SLC41A3: variants seen among roughly 807,000 people sequenced by gnomAD.
SLC41A3 encodes the protein SLC41A1-like 2.
SLC41A3 carries 44 observed loss-of-function variants against 45.4 expected under a neutral mutation model. The observed-to-expected ratio is 0.97, with a 90% confidence interval of 0.76 to 1.25. SLC41A3 has a LOEUF of 1.25. Ranked by LOEUF, SLC41A3 falls within the 50% of genes most tolerant of loss-of-function variation. SLC41A3 has a pLI of 0.00. For missense variants in SLC41A3, 550 were observed against 600.6 expected (o/e 0.92, Z 0.88); for synonymous variants, 256 against 252.4 (o/e 1.01, Z -0.13).
At chr3:126,045,341 A>G (rs1392307365) in intron 3 of SLC41A3, among the ~76,000 whole-genome samples, 1 of 104,786 alleles carries the variant, frequency 9.5e-6, no homozygotes, top group Non-Finnish European at 2.0e-5. Flanking sequence ...TGAAACTAAG[A>G]ATTGATTGGT....
intron 1 of SLC41A3, among the ~76,000 whole-genome samples, chr3:126,079,228 ACACACACACACC>A (rs1347625599): frequency 1.2e-4 from 17 of 138,276 alleles, no homozygotes; most frequent in Admixed American, 2.1e-4. Context: ...ACACACACAC[ACACACACACACC>A]CACACACGAT....
chr3:126,042,511 C>CA (rs901315607), intron 3 of SLC41A3, among the ~76,000 whole-genome samples: 5 of 151,744 alleles, frequency 3.3e-5, no homozygotes, highest in African/African-American at 9.7e-5. Flanking sequence ...AAAAGGATAC[C>CA]AAAAAAAGTG....
intron 1 of SLC41A3, among the ~76,000 whole-genome samples, chr3:126,069,001 G>A (rs961181738): frequency 6.6e-6 from 1 of 152,100 alleles, no homozygotes; most frequent in South Asian, 2.1e-4. Flanking sequence ...ACACTTAAAA[G>A]GAAAAGCTGA....
At chr3:126,021,617 G>T (rs1940889218) in intron 6 of SLC41A3, among the ~76,000 whole-genome samples, 3 of 152,092 alleles carry the variant, frequency 2.0e-5, no homozygotes, top group Admixed American at 2.0e-4. Flanking sequence ...CCCTTCTCCT[G>T]CTCATTATTT....
At chr3:126,014,722 A>G (rs537632265) in intron 8 of SLC41A3, among the ~76,000 whole-genome samples, 1 of 152,256 alleles carries the variant, frequency 6.6e-6, no homozygotes, top group Non-Finnish European at 1.5e-5. Context: ...GAGCCTCTGA[A>G]GGCTGTTTCT....
chr3:126,059,212 A>G (rs1559869342), intron 2 of SLC41A3, among the ~76,000 whole-genome samples: 1 of 98,486 alleles, frequency 1.0e-5, no homozygotes, highest in African/African-American at 3.8e-5. Context: ...AACACAGGTT[A>G]TCAGTCAAAA....
intron 2 of SLC41A3, chr3:126,056,434 A>G (rs771269628): frequency 6.8e-6 from 11 of 1,614,244 alleles, no homozygotes; most frequent in Non-Finnish European, 7.6e-6. Context: ...GACCTGGCAC[A>G]TGATGGTGAA....
At chr3:126,023,060 T>C in intron 5 of SLC41A3, 128 bp from the exon 6 acceptor site, 2 of 1,273,758 alleles carry the variant, frequency 1.6e-6, no homozygotes, top group Non-Finnish European at 2.2e-6. Flanking sequence ...GGCTGCTCAT[T>C]AACTTGCCTC....
At chr3:126,093,905 A>G (rs928592692) in intron 1 of SLC41A3, among the ~76,000 whole-genome samples, 2 of 152,210 alleles carry the variant, frequency 1.3e-5, no homozygotes, top group African/African-American at 4.8e-5. Context: ...AGGAGTGGAC[A>G]TTTCGATCAT....
chr3:126,014,464 C>CA (rs1354419577), intron 8 of SLC41A3, among the ~76,000 whole-genome samples: 2 of 152,188 alleles, frequency 1.3e-5, no homozygotes, highest in African/African-American at 4.8e-5. Context: ...TGCCATTTCT[C>CA]ACTGTCTAGC....
intron 1 of SLC41A3, among the ~76,000 whole-genome samples, chr3:126,091,905 G>A (rs1435133307): frequency 1.3e-5 from 2 of 152,116 alleles, no homozygotes; most frequent in Non-Finnish European, 2.9e-5. Flanking sequence ...GTTAATGCTG[G>A]TCAGCTGTGC....
intron 1 of SLC41A3, chr3:126,101,353 T>C (rs1050244124): frequency 6.6e-6 from 1 of 152,188 alleles, no homozygotes; most frequent in Non-Finnish European, 1.5e-5. Flanking sequence ...CCAGGTAAAA[T>C]GCAGAGGTTA....
intron 1 of SLC41A3, among the ~76,000 whole-genome samples, chr3:126,071,772 CTT>C (rs59182198): frequency 6.4e-4 from 91 of 142,902 alleles, no homozygotes; most frequent in African/African-American, 1.7e-3. Flanking sequence ...AATTAAACAA[CTT>C]TTTTTTTTTT....
At chr3:126,007,555 T>C (rs1939228931) in intron 10 of SLC41A3, among the ~76,000 whole-genome samples, 1 of 152,162 alleles carries the variant, frequency 6.6e-6, no homozygotes, top group Admixed American at 6.5e-5. Flanking sequence ...GAGATGTCCA[T>C]TTGGGTTTGC....
At chr3:126,058,890 G>A (rs1291665343) in intron 2 of SLC41A3, among the ~76,000 whole-genome samples, 1 of 152,120 alleles carries the variant, frequency 6.6e-6, no homozygotes, top group African/African-American at 2.4e-5. Context: ...ACATCACCCA[G>A]GCCAAACGTC....
intron 4 of SLC41A3, among the ~76,000 whole-genome samples, chr3:126,028,923 C>G (rs1395873425): frequency 1.3e-5 from 2 of 152,236 alleles, no homozygotes. Context: ...ACGCCCATAA[C>G]CCCTTCCTTT....
chr3:126,070,387 G>T (rs926669553), intron 1 of SLC41A3: 4 of 152,250 alleles, frequency 2.6e-5, no homozygotes, highest in Admixed American at 1.3e-4. Flanking sequence ...GATCTAGGTT[G>T]TGTGCTCCTT....
rs184714789 is a variant in SLC41A3 at position 126,099,895 on chromosome 3, G to C, written c.-79+1534C>G. The stretch of plus-strand genomic sequence containing the variant: ...TTATGACAGCAAGGATTAATTTCTT[G>C]GTCCTACTCATGTCCACTGTGGGTT... On this transcript the variant is annotated intron_variant, in intron 1 of 9. Transcript: ENST00000508835. 9.5e-4 allele frequency among the ~76,000 whole-genome samples: 145 copies of C among 152,262 alleles called. 1 individual carries two copies. The highest frequency in any genetic ancestry group is 2.5e-3 in the South Asian group (12 of 4,814).
chr3:126,076,868 A>C (rs538596303), intron 1 of SLC41A3, among the ~76,000 whole-genome samples: 137 of 152,292 alleles, frequency 9.0e-4, no homozygotes, highest in African/African-American at 3.3e-3. Flanking sequence ...AGTTTCTTTC[A>C]GTTGACATTA....
Sources: gnomAD v4.1 joint callset for allele counts (sites outside exome capture counted in the v4.1 genomes callset) on GRCh38, gnomAD v4.1.1 for gene constraint, MANE v1.5 for transcripts, NCBI Gene and HGNC (gene_info 2026-07-23, HGNC 2026-07-21) for gene names.